Variants in SMG6 observed in about 807,000 individuals in gnomAD.
SMG6 encodes SMG6 nonsense mediated mRNA decay factor.
SMG6 carries 66 observed loss-of-function variants against 142.2 expected under a neutral mutation model. The ratio of observed to expected loss-of-function variants is 0.46; its 90% CI spans 0.38 to 0.57. SMG6 has a LOEUF of 0.57. Among genes scored for constraint, SMG6 ranks in the 20% least tolerant of loss-of-function variants. The pLI, the probability that SMG6 is intolerant of heterozygous loss-of-function variation, is 0.00. For synonymous variants in SMG6, 779 were observed against 702.4 expected (o/e 1.11, Z -1.72); for missense variants, 1,793 against 1,832.0 (o/e 0.98, Z 0.39).
chr17:2,135,783 A>C (rs1257637043), intron 13 of SMG6, among the ~76,000 whole-genome samples: 2 of 149,606 alleles, frequency 1.3e-5, no homozygotes, highest in East Asian at 4.0e-4. Context: ...TTAACCTCTC[A>C]GGCTCAAGCA....
At chr17:2,096,361 AC>A (rs2068855223) in intron 13 of SMG6, among the ~76,000 whole-genome samples, 1 of 152,222 alleles carries the variant, frequency 6.6e-6, no homozygotes, top group South Asian at 2.1e-4. Context: ...GGTGCACGCC[AC>A]CATGCCCGGC....
At chr17:2,154,113 T>C (rs1310600017) in intron 13 of SMG6, among the ~76,000 whole-genome samples, 1 of 82,222 alleles carries the variant, frequency 1.2e-5, no homozygotes, top group Non-Finnish European at 2.3e-5. Context: ...TGACGGTGAC[T>C]GGGGAACCTG....
intron 8 of SMG6, among the ~76,000 whole-genome samples, chr17:2,261,326 A>G (rs1028667650): frequency 8.8e-5 from 13 of 147,730 alleles, no homozygotes; most frequent in African/African-American, 3.0e-4. Flanking sequence ...AAAAAAAAAA[A>G]GGGAAGAGAA....
rs188923603 is a variant in SMG6 at position 2,087,319 on chromosome 17, G to T, written c.3358-1418C>A. The T allele has an allele frequency of 4.0e-5, 49 of 1,227,550 alleles. No individual in the cohort carries two copies. The African/African-American group carries it at 5.8e-4, about 14-fold the overall frequency. 76.0% of individuals were successfully genotyped at this position (1,227,550 alleles called of 1,614,324 possible). A position where few individuals can be genotyped will look rare whatever the true frequency, so the allele number is the denominator to read the frequency against. On this transcript the variant is annotated intron_variant, in intron 13 of 18. Coordinates refer to ENST00000263073, the MANE Select transcript of SMG6 (RefSeq NM_017575.5). ...GTTCTCTAAGACAGTGGAAATAAATGAGCACCGCTGTGCAGGCTGGCTGCC... is the reference window on the plus strand; with the variant it reads ...GTTCTCTAAGACAGTGGAAATAAATTAGCACCGCTGTGCAGGCTGGCTGCC...
At chr17:2,237,337 G>A (rs1162780694) in intron 9 of SMG6, 1 of 200,812 alleles carries the variant, frequency 5.0e-6, no homozygotes. Context: ...CAAAGTGCTG[G>A]GATTACAGGC....
At chr17:2,149,767 G>C (rs925950000) in intron 13 of SMG6, among the ~76,000 whole-genome samples, 2 of 152,190 alleles carry the variant, frequency 1.3e-5, no homozygotes, top group Non-Finnish European at 2.9e-5. Context: ...AAGAAACAGA[G>C]CTGGCTCTTA....
chr17:2,137,399 C>T (rs909547439), intron 13 of SMG6, among the ~76,000 whole-genome samples: 4 of 152,112 alleles, frequency 2.6e-5, no homozygotes, highest in Non-Finnish European at 5.9e-5. Context: ...TTCAGGTGCT[C>T]ATGTTTTCGA....
Position 2,299,088 on chromosome 17 carries a change from C to T in SMG6, c.1665G>A (p.Val555=), listed in dbSNP as rs764687327. 6.2e-7 allele frequency: 1 copy of T among 1,614,206 alleles called. No homozygotes were observed. Among genetic ancestry groups the T allele is most frequent in the East Asian group, 2.2e-5 (1 of 44,880 alleles). The change falls in exon 2 of 19, where the codon GTG becomes GTA. Residue 555 remains valine (V), a synonymous_variant. Coordinates refer to ENST00000263073, the MANE Select transcript of SMG6 (RefSeq NM_017575.5). The surrounding 1 kb of genome is among the most constrained non-coding windows in gnomAD (Gnocchi z 4.3). ...PGYPTPSGQY[V]CSPLPTSTMS... ...TGGTGCTGGTAGGTAGAGGGCTACA[C>T]ACATACTGTCCTGACGGAGTCGGGT...
chr17:2,271,894 CTTT>C (rs941744093), intron 8 of SMG6, among the ~76,000 whole-genome samples: 2 of 152,200 alleles, frequency 1.3e-5, no homozygotes, highest in Non-Finnish European at 2.9e-5. Flanking sequence ...AGCCCTTCAA[CTTT>C]TTAAGTCAGC....
chr17:2,183,194 C>A (rs542307340), intron 12 of SMG6, among the ~76,000 whole-genome samples: 5 of 151,840 alleles, frequency 3.3e-5, no homozygotes, highest in African/African-American at 1.2e-4. Context: ...CCACTGCCGT[C>A]CACCCTGGGT....
chr17:2,143,241 G>A (rs2070545613), intron 13 of SMG6, among the ~76,000 whole-genome samples: 1 of 152,052 alleles, frequency 6.6e-6, no homozygotes, highest in Non-Finnish European at 1.5e-5. Flanking sequence ...ATATCTAAGA[G>A]AAATGAAAAC....
intron 13 of SMG6, among the ~76,000 whole-genome samples, chr17:2,153,717 A>G (rs1266714114): frequency 2.9e-5 from 4 of 139,644 alleles, no homozygotes; most frequent in Non-Finnish European, 6.1e-5. Context: ...ATGCATGTAG[A>G]GTGTGACGGT....
chr17:2,192,114 C>T (rs2072182738), intron 10 of SMG6, among the ~76,000 whole-genome samples: 1 of 152,222 alleles, frequency 6.6e-6, no homozygotes, highest in Non-Finnish European at 1.5e-5. Flanking sequence ...CATCCTCCTG[C>T]AGGAAATGGG....
At chr17:2,126,484 G>A (rs895987395) in intron 13 of SMG6, among the ~76,000 whole-genome samples, 1 of 152,130 alleles carries the variant, frequency 6.6e-6, no homozygotes, top group African/African-American at 2.4e-5. Context: ...CCAGCACTTT[G>A]GGAGGCTGAG....
intron 8 of SMG6, among the ~76,000 whole-genome samples, chr17:2,261,443 A>G (rs939729288): frequency 6.6e-6 from 1 of 152,196 alleles, no homozygotes; most frequent in Non-Finnish European, 1.5e-5. Context: ...CTGTGTATAT[A>G]TATTTTTGGA....
chr17:2,063,907 G>A (rs542026169), intron 18 of SMG6, among the ~76,000 whole-genome samples: 3 of 152,296 alleles, frequency 2.0e-5, no homozygotes, highest in South Asian at 2.1e-4. Flanking sequence ...TCCTCTGTTT[G>A]GCTCAGCCAG....
chr17:2,274,332 T>C (rs560519808), intron 8 of SMG6, among the ~76,000 whole-genome samples: 2 of 152,332 alleles, frequency 1.3e-5, no homozygotes, highest in Non-Finnish European at 2.9e-5. Flanking sequence ...ACAGGTAAAC[T>C]TTAGTCTACT....
intron 10 of SMG6, among the ~76,000 whole-genome samples, chr17:2,189,027 A>G (rs2072080413): frequency 6.6e-6 from 1 of 152,136 alleles, no homozygotes; most frequent in South Asian, 2.1e-4. Flanking sequence ...TCCCATCCTT[A>G]CTTCCTCCAT....
At chr17:2,121,087 C>T (rs1336945305) in intron 13 of SMG6, among the ~76,000 whole-genome samples, 2 of 152,218 alleles carry the variant, frequency 1.3e-5, no homozygotes, top group Non-Finnish European at 2.9e-5. Flanking sequence ...ACGGGTTGGA[C>T]AAGCTTGGTC....
Sources: gnomAD v4.1 joint callset for allele counts (sites outside exome capture counted in the v4.1 genomes callset) on GRCh38, gnomAD v4.1.1 for gene constraint, Gnocchi (gnomAD v3.1) non-coding constraint, MANE v1.5 for transcripts, NCBI Gene and HGNC (gene_info 2026-07-23, HGNC 2026-07-21) for gene names.